The following NFASC variants were observed in gnomAD, a reference collection of about 807,000 sequenced individuals.
NFASC encodes the protein neurofascin homolog.
NFASC carries 43 observed loss-of-function variants against 147.5 expected under a neutral mutation model. The observed-to-expected ratio is 0.29, with a 90% CI of 0.23 to 0.38. NFASC has a LOEUF of 0.38. Ranked by LOEUF, NFASC falls within the 10% of genes least tolerant of loss-of-function variation. The pLI is 1.00. For synonymous variants in NFASC, 622 were observed against 665.5 expected (o/e 0.93, Z 1.01); for missense variants, 1,320 against 1,689.0 (o/e 0.78, Z 3.83).
At chr1:204,854,656 A>G (rs111652780) in intron 1 of NFASC, among the ~76,000 whole-genome samples, 66 of 152,308 alleles carry the variant, frequency 4.3e-4, no homozygotes, top group African/African-American at 1.5e-3. Context: ...ACAAAGCATC[A>G]ACTTAGTGCC....
rs61305672 is a variant in NFASC, at chr1:204,978,045, C to T, written c.1876+320C>T. Reference sequence around the variant, plus strand: ...TTTCAGGTCCTGTTTGCAGGGAATGCGAAAGCCTGCTCCCTTCACATCACC... The same window carrying T: ...TTTCAGGTCCTGTTTGCAGGGAATGTGAAAGCCTGCTCCCTTCACATCACC... On this transcript the variant is annotated intron_variant, in intron 17 of 29. Coordinates refer to ENST00000339876, the MANE Select transcript of NFASC (RefSeq NM_001005388.3). Among the ~76,000 whole-genome samples, 1,260 of 152,348 alleles carry T rather than the reference C, an allele frequency of 8.3e-3. 8 individuals are homozygous for T. The highest frequency in any genetic ancestry group is 0.029 in the African/African-American group (1,202 of 41,570).
intron 25 of NFASC, 147 bp downstream of exon 25, chr1:204,997,553 C>T (rs995614493): frequency 3.2e-6 from 3 of 927,344 alleles, no homozygotes; most frequent in Middle Eastern, 2.1e-4. Context: ...TGGAAACTCA[C>T]CCGTGACTGG....
intron 1 of NFASC, among the ~76,000 whole-genome samples, chr1:204,876,304 G>A (rs548879673): frequency 1.1e-4 from 16 of 151,738 alleles, no homozygotes; most frequent in African/African-American, 3.6e-4. Flanking sequence ...ACAGTCCACC[G>A]CCACCCCACA....
intron 1 of NFASC, among the ~76,000 whole-genome samples, chr1:204,851,779 A>G (rs1363283943): frequency 6.6e-6 from 1 of 152,256 alleles, no homozygotes; most frequent in Non-Finnish European, 1.5e-5. Context: ...AAAAATTTTC[A>G]TAGTAAGCTG....
chr1:204,995,650 A>G (rs1180572089), intron 24 of NFASC, among the ~76,000 whole-genome samples: 1 of 152,094 alleles, frequency 6.6e-6, no homozygotes. Context: ...GGGGCACAGT[A>G]GTACCTCTGA....
intron 2 of NFASC, among the ~76,000 whole-genome samples, chr1:204,926,394 ATATATATATATATTTTTTT>A (rs1278963659): frequency 1.2e-4 from 2 of 16,794 alleles, no homozygotes; most frequent in African/African-American, 3.0e-4. Context: ...ATATATATAT[ATATATATATATATTTTTTT>A]TTTTTTTTTT....
chr1:204,899,045 G>A (rs1465676949), intron 1 of NFASC, among the ~76,000 whole-genome samples: 4 of 152,142 alleles, frequency 2.6e-5, no homozygotes, highest in Admixed American at 6.5e-5. Context: ...TGCGAAGTCC[G>A]GACTGGAGGG....
chr1:204,964,542 C>G (rs1320350899), intron 8 of NFASC, among the ~76,000 whole-genome samples: 1 of 152,256 alleles, frequency 6.6e-6, no homozygotes, highest in Non-Finnish European at 1.5e-5. Context: ...AAAGCTCCAA[C>G]TACTGCATAT....
At chr1:205,014,255 A>G (rs2096304378) in intron 29 of NFASC, among the ~76,000 whole-genome samples, 1 of 152,140 alleles carries the variant, frequency 6.6e-6, no homozygotes, top group South Asian at 2.1e-4. Context: ...CCCTGGGTCT[A>G]CACGCACAGG....
intron 1 of NFASC, among the ~76,000 whole-genome samples, chr1:204,830,006 G>GTGT (rs1671738105): frequency 1.2e-4 from 17 of 144,012 alleles, no homozygotes; most frequent in African/African-American, 3.9e-4. Flanking sequence ...TTTGGCATGG[G>GTGT]GTGTGTGTGT....
At chr1:204,832,022 C>T (rs184082710) in intron 1 of NFASC, among the ~76,000 whole-genome samples, 318 of 152,246 alleles carry the variant, frequency 2.1e-3, no homozygotes, top group Non-Finnish European at 3.6e-3. Flanking sequence ...TGATGCTATC[C>T]GGAATGGTAG....
intron 28 of NFASC, 42 bp downstream of exon 28, chr1:205,009,730 TC>T (rs1237518897): frequency 1.3e-6 from 2 of 1,597,604 alleles, no homozygotes; most frequent in Admixed American, 3.4e-5. Context: ...GTGGGGCACG[TC>T]CACTTTCCCG....
At position 204,975,556 on chromosome 1, in the gene NFASC, G is replaced by T; in HGVS notation, c.1706+138G>T. The T allele has an allele frequency of 3.3e-6, 4 of 1,208,992 alleles. No homozygotes were observed. In the South Asian group the frequency reaches 5.7e-5, roughly 17 times the overall value. 74.9% of individuals were successfully genotyped at this position (1,208,992 alleles called of 1,614,324 possible). A position where few individuals can be genotyped will look rare whatever the true frequency, so the allele number is the denominator to read the frequency against. On this transcript the variant is annotated intron_variant, in intron 15 of 29. Coordinates refer to ENST00000339876, the MANE Select transcript of NFASC (RefSeq NM_001005388.3). This position sits in a 1 kb window ranked among gnomAD's most constrained non-coding sequence, Gnocchi z 4.0. ...TCACCAAGGAGCTTCTGCAGAGGGG[G>T]TGATGGCCTGGGCAACTCCCCTGCT...
chr1:204,936,740 G>A (rs1262461278), intron 2 of NFASC, among the ~76,000 whole-genome samples: 1 of 152,192 alleles, frequency 6.6e-6, no homozygotes, highest in Non-Finnish European at 1.5e-5. Flanking sequence ...CAGCCAGAGT[G>A]GTCTTTACAA....
intron 1 of NFASC, among the ~76,000 whole-genome samples, chr1:204,908,428 G>A (rs771823716): frequency 9.2e-5 from 14 of 152,034 alleles, no homozygotes; most frequent in Non-Finnish European, 1.6e-4. Flanking sequence ...TGGAAAGGAA[G>A]ATATATTATG....
intron 1 of NFASC, among the ~76,000 whole-genome samples, chr1:204,896,660 GT>G (rs2083439075): frequency 1.3e-5 from 2 of 152,144 alleles, no homozygotes; most frequent in Admixed American, 6.5e-5. Flanking sequence ...CCAGGTCTTG[GT>G]TTTGTGTCTA....
intron 1 of NFASC, among the ~76,000 whole-genome samples, chr1:204,839,381 A>G (rs1225920265): frequency 3.2e-5 from 3 of 94,212 alleles, no homozygotes; most frequent in African/African-American, 6.6e-5. Flanking sequence ...ACACACACAC[A>G]CACACACACA....
At chr1:204,906,442 C>T (rs951104722) in intron 1 of NFASC, among the ~76,000 whole-genome samples, 1 of 152,116 alleles carries the variant, frequency 6.6e-6, no homozygotes, top group Non-Finnish European at 1.5e-5. Flanking sequence ...TCTAGAATGT[C>T]GTATAAATGA....
Position 205,016,310 on chromosome 1 carries a change from A to G in NFASC, c.3494A>G (p.Asp1165Gly). The G allele has an allele frequency of 1.9e-6, 3 of 1,610,270 alleles. No individual in the cohort carries two copies. Among genetic ancestry groups the G allele is most frequent in the Non-Finnish European group, 2.5e-6 (3 of 1,176,644 alleles). The change falls in exon 30 of 30, where the codon GAT (aspartate) becomes GGT (glycine). Residue 1165 changes from aspartate (D) to glycine (G), a missense_variant and splice_region_variant. Around this residue, in one of 3 missense-constraint regions of NFASC, gnomAD observed 167 missense variants for 233.8 expected, o/e 0.71. Coordinates refer to ENST00000339876, the MANE Select transcript of NFASC (RefSeq NM_001005388.3). The surrounding 1 kb of genome is among the most constrained non-coding windows in gnomAD (Gnocchi z 5.1). ...ATTCTCTGTCTCTCTTTGGCCAGTG[A>G]TGAGGACAACAAGCCCCTGCAGGGC... The part of the protein sequence containing the change: ...KEEDGSFDYS[D>G]EDNKPLQGSQ...
Sources: gnomAD v4.1 joint callset for allele counts (sites outside exome capture counted in the v4.1 genomes callset) on GRCh38, gnomAD v4.1.1 for gene constraint, gnomAD v4.1.1 regional missense constraint, Gnocchi (gnomAD v3.1) non-coding constraint, MANE v1.5 for transcripts, NCBI Gene and HGNC (gene_info 2026-07-23, HGNC 2026-07-21) for gene names.